The following ANO1 variants were observed in gnomAD, a reference collection of about 807,000 sequenced individuals.
ANO1 encodes anoctamin-1.
ANO1 carries 59 observed loss-of-function variants against 124.0 expected under a neutral mutation model. The observed-to-expected ratio is 0.48, with a 90% CI of 0.39 to 0.59. The LOEUF (loss-of-function observed/expected upper bound fraction) is 0.59, where lower values mean the gene tolerates loss of function less well. Ranked by LOEUF, ANO1 falls within the 20% of genes least tolerant of loss-of-function variation. The pLI is 0.00. For synonymous variants in ANO1, 529 were observed against 532.0 expected, an observed-to-expected ratio of 0.99 and a Z score of 0.08; for missense variants, 1,059 against 1,328.0, an observed-to-expected ratio of 0.80 and a Z score of 3.15.
intron 8 of ANO1, among the ~76,000 whole-genome samples, chr11:70,120,461 G>A (rs1028462897): frequency 3.4e-4 from 52 of 152,164 alleles, no homozygotes; most frequent in African/African-American, 1.2e-4. Flanking sequence ...GGGCCCTGTT[G>A]GGGAGAGGGG....
intron 1 of ANO1, among the ~76,000 whole-genome samples, chr11:70,041,555 A>C (rs1404181021): frequency 6.6e-6 from 1 of 152,200 alleles, no homozygotes; most frequent in Non-Finnish European, 1.5e-5. Context: ...AACTAAACTG[A>C]CTTTCATGAA....
intron 2 of ANO1, among the ~76,000 whole-genome samples, chr11:70,102,368 C>T (rs2045311711): frequency 6.6e-6 from 1 of 152,226 alleles, no homozygotes; most frequent in South Asian, 2.1e-4. Flanking sequence ...CCTCGCCAGC[C>T]AGCGCTCGGT....
intron 2 of ANO1, among the ~76,000 whole-genome samples, chr11:70,097,249 G>A (rs2509151): frequency 0.33 from 50,575 of 152,082 alleles, 8,772 homozygotes; most frequent in Admixed American, 0.43. Flanking sequence ...GAGCAGTGGC[G>A]CCTGATCCAC....
intron 12 of ANO1, among the ~76,000 whole-genome samples, chr11:70,150,466 C>G (rs1402007545): frequency 6.6e-6 from 1 of 152,214 alleles, no homozygotes; most frequent in Non-Finnish European, 1.5e-5. Flanking sequence ...CCTTGGTGCA[C>G]AACAGAGGCG....
Position 70,065,707 on chromosome 11 carries a change from G to C in ANO1, c.59-12835G>C, listed in dbSNP as rs1340911741. 3.3e-5 allele frequency among the ~76,000 whole-genome samples: 5 copies of C among 151,764 alleles called. 1 individual carries two copies. Among genetic ancestry groups the C allele is most frequent in the Admixed American group, 3.3e-4 (5 of 15,260 alleles). On this transcript the variant is annotated intron_variant, in intron 1 of 27. Transcript: ENST00000531349. ...CCCGTCGTCCCCCTAGCTGGAGGGT[G>C]CCCCAGCCTGGCTGACCTCAGTTCT... is the stretch of plus-strand genomic sequence containing the variant.
chr11:70,158,433 C>T (rs1342839077), intron 16 of ANO1, among the ~76,000 whole-genome samples: 2 of 152,246 alleles, frequency 1.3e-5, no homozygotes, highest in Admixed American at 1.3e-4. Flanking sequence ...CTCACCAGAG[C>T]GTCTCATCAC....
intron 22 of ANO1, among the ~76,000 whole-genome samples, chr11:70,175,662 G>A (rs1050119380): frequency 1.3e-5 from 2 of 152,168 alleles, no homozygotes; most frequent in African/African-American, 4.8e-5. Context: ...TTCAGCTCCC[G>A]GGCACTGCAT....
chr11:70,028,536 G>A (rs559629583), intron 1 of ANO1, among the ~76,000 whole-genome samples: 7 of 152,096 alleles, frequency 4.6e-5, no homozygotes, highest in Middle Eastern at 3.4e-3. Flanking sequence ...GTCTCTCCTG[G>A]ACAGACACTC....
At chr11:70,173,627 T>G (rs1317773130) in intron 22 of ANO1, among the ~76,000 whole-genome samples, 1 of 152,218 alleles carries the variant, frequency 6.6e-6, no homozygotes, top group Non-Finnish European at 1.5e-5. Flanking sequence ...TTGCACTTGT[T>G]TTCTGTTAAG....
At chr11:70,183,372 T>G (rs1391222288) in intron 24 of ANO1, among the ~76,000 whole-genome samples, 1 of 152,216 alleles carries the variant, frequency 6.6e-6, no homozygotes, top group Non-Finnish European at 1.5e-5. Flanking sequence ...TTCCCAATAG[T>G]CAGTGAAAAT....
Position 70,180,067 on chromosome 11 carries a change from T to G in ANO1, c.2403+11T>G, listed in dbSNP as rs1297271191. 1.2e-6 allele frequency: 2 copies of G among 1,610,822 alleles called. No homozygotes were observed. Among genetic ancestry groups the G allele is most frequent in the Non-Finnish European group, 1.7e-6 (2 of 1,177,302 alleles). On this transcript the variant is annotated intron_variant, in intron 23 of 25. Transcript: ENST00000355303. ...GCTGTCATCATCAATGTAAGTGACA[T>G]CAGGGACCTTGGCAGAATGGAAGTC... is the stretch of plus-strand genomic sequence containing the variant.
chr11:70,026,748 C>T (rs1392378668), intron 1 of ANO1, among the ~76,000 whole-genome samples: 1 of 152,136 alleles, frequency 6.6e-6, no homozygotes. Flanking sequence ...AAGTGCTGAG[C>T]CTTTCTGAGC....
chr11:70,101,130 C>T lies in ANO1; in HGVS notation c.442-1936C>T, dbSNP rs145505494. On this transcript the variant is annotated intron_variant, in intron 2 of 25. Transcript: ENST00000355303. ...AAGCTGGGGTGTCAAGGAGGGTCTC[C>T]CTTCCTCGGTGGTCACCTGAGGTGC... Among the ~76,000 whole-genome samples, 114 of 152,176 alleles carry T rather than the reference C, an allele frequency of 7.5e-4. No individual in the cohort carries two copies. The East Asian group carries it at 0.012, about 17-fold the overall frequency.
intron 1 of ANO1, among the ~76,000 whole-genome samples, chr11:70,069,795 A>G (rs1291440152): frequency 6.6e-6 from 1 of 152,142 alleles, no homozygotes; most frequent in East Asian, 1.9e-4. Context: ...TGAGCTTAAA[A>G]ATCTTAAATA....
chr11:70,162,957 A>G (rs2048116418), intron 18 of ANO1, among the ~76,000 whole-genome samples: 1 of 152,264 alleles, frequency 6.6e-6, no homozygotes, highest in South Asian at 2.1e-4. Flanking sequence ...CCAGGCAGCT[A>G]GCGCAGCAGC....
At chr11:70,020,789 C>T (rs1440702719) in intron 1 of ANO1, 1 of 152,284 alleles carries the variant, frequency 6.6e-6, no homozygotes, top group Non-Finnish European at 1.5e-5. Flanking sequence ...AGAGGTGTCT[C>T]AGCAGAGAAC....
At chr11:70,157,391 G>A (rs997088616) in intron 16 of ANO1, among the ~76,000 whole-genome samples, 2 of 143,564 alleles carry the variant, frequency 1.4e-5, no homozygotes, top group African/African-American at 5.1e-5. Context: ...AAAAGGATGC[G>A]ATTGGTGTCC....
intron 12 of ANO1, among the ~76,000 whole-genome samples, chr11:70,151,598 C>T (rs2047604216): frequency 6.6e-6 from 1 of 152,228 alleles, no homozygotes. Flanking sequence ...CCCTGATCTC[C>T]TGACCCTGAT....
intron 1 of ANO1, among the ~76,000 whole-genome samples, chr11:70,083,836 TG>T (rs1416840909): frequency 6.6e-6 from 1 of 152,096 alleles, no homozygotes; most frequent in Non-Finnish European, 1.5e-5. Flanking sequence ...CATCCAGCTT[TG>T]GGGCTAATTT....
Sources: allele counts gnomAD v4.1 joint callset (sites outside exome capture counted in the v4.1 genomes callset), GRCh38; gene constraint gnomAD v4.1.1; transcripts MANE v1.5; gene names NCBI Gene and HGNC (gene_info 2026-07-23, HGNC 2026-07-21).